ARL15: variants seen among roughly 807,000 people sequenced by gnomAD.
The protein encoded by ARL15 is ARF like GTPase 15, also known as ADP-ribosylation factor-like protein 15.
In ARL15, 19 loss-of-function variants were observed where a neutral mutation model predicts 25.2. That is an observed-to-expected ratio of 0.75 (90% CI 0.53 to 1.10). ARL15 has a LOEUF of 1.10. Ranked by LOEUF, ARL15 falls within the 50% of genes least tolerant of loss-of-function variation. The pLI, the probability that ARL15 is intolerant of heterozygous loss-of-function variation, is 0.00. For missense variants in ARL15, 220 were observed against 246.0 expected (o/e 0.89, Z 0.71); for synonymous variants, 94 against 86.8 (o/e 1.08, Z -0.46).
At chr5:54,284,764 T>G (rs1045462549) in intron 1 of ARL15, among the ~76,000 whole-genome samples, 1 of 152,206 alleles carries the variant, frequency 6.6e-6, no homozygotes, top group Admixed American at 6.5e-5. Context: ...TTACAAATAC[T>G]GCCTTATCCT....
chr5:54,247,216 A>C (rs977714212), intron 1 of ARL15, among the ~76,000 whole-genome samples: 4 of 117,414 alleles, frequency 3.4e-5, no homozygotes, highest in African/African-American at 1.1e-4. Context: ...AAGGAGTTAA[A>C]GTTTTGTTTT....
At chr5:54,170,605 C>T (rs1263047341) in intron 2 of ARL15, among the ~76,000 whole-genome samples, 1 of 152,052 alleles carries the variant, frequency 6.6e-6, no homozygotes, top group Non-Finnish European at 1.5e-5. Context: ...TTCACACTGC[C>T]CCTCTGCTCC....
rs60698293 is a variant in ARL15, at chr5:53,984,560, A to AT, written c.463-97848dup. Among the ~76,000 whole-genome samples the AT allele has an allele frequency of 2.6e-3, 391 of 152,018 alleles. 3 individuals are homozygous for AT. Among genetic ancestry groups the AT allele is most frequent in the African/African-American group, 8.9e-3 (371 of 41,470 alleles). On this transcript the variant is annotated intron_variant, in intron 4 of 4. Transcript: ENST00000504924. The stretch of plus-strand genomic sequence containing the variant: ...TAGAGTGATGCCTTTTAGGATTTCC[A>AT]TTTCCCACTGCTCTACAATTAACAT...
chr5:54,214,071 G>C (rs1756118009), intron 1 of ARL15, among the ~76,000 whole-genome samples: 2 of 151,836 alleles, frequency 1.3e-5, no homozygotes. Context: ...GAGCAAAAAA[G>C]AAAGGAAGGA....
At chr5:54,229,167 A>G (rs1292472477) in intron 1 of ARL15, among the ~76,000 whole-genome samples, 1 of 152,162 alleles carries the variant, frequency 6.6e-6, no homozygotes, top group Non-Finnish European at 1.5e-5. Flanking sequence ...CCTTTACACT[A>G]GATCATCCAA....
At chr5:53,926,333 A>G (rs1746022030) in intron 4 of ARL15, among the ~76,000 whole-genome samples, 1 of 152,086 alleles carries the variant, frequency 6.6e-6, no homozygotes, top group Admixed American at 6.6e-5. Flanking sequence ...GGGGCTGCCC[A>G]GTGGAATCTG....
intron 4 of ARL15, among the ~76,000 whole-genome samples, chr5:54,105,643 T>A (rs748018668): frequency 6.6e-6 from 1 of 152,266 alleles, no homozygotes; most frequent in South Asian, 2.1e-4. Context: ...AATGCAGTTG[T>A]GTGATCTTGG....
chr5:54,145,838 T>C (rs1232145798), intron 3 of ARL15, among the ~76,000 whole-genome samples: 1 of 152,202 alleles, frequency 6.6e-6, no homozygotes, highest in Non-Finnish European at 1.5e-5. Context: ...TGCTGAGATA[T>C]TTTATACTAT....
intron 4 of ARL15, among the ~76,000 whole-genome samples, chr5:53,987,166 A>G (rs1056849144): frequency 1.3e-5 from 2 of 152,210 alleles, no homozygotes; most frequent in African/African-American, 4.8e-5. Flanking sequence ...CAAGAGGCCC[A>G]AGTTATGTTT....
chr5:53,889,910 T>A (rs911271982), intron 4 of ARL15, among the ~76,000 whole-genome samples: 1 of 151,728 alleles, frequency 6.6e-6, no homozygotes, highest in Non-Finnish European at 1.5e-5. Context: ...CCTCCTGGGT[T>A]CAAGTGATTC....
chr5:54,063,128 A>G (rs941599938), intron 4 of ARL15, among the ~76,000 whole-genome samples: 1 of 152,160 alleles, frequency 6.6e-6, no homozygotes, highest in African/African-American at 2.4e-5. Flanking sequence ...AGGGGGGAAA[A>G]ACCCCTAAAC....
At chr5:54,024,604 T>G (rs1159296800) in intron 4 of ARL15, among the ~76,000 whole-genome samples, 2 of 152,204 alleles carry the variant, frequency 1.3e-5, no homozygotes, top group Non-Finnish European at 2.9e-5. Context: ...TAAGCAAGCC[T>G]ATGAGTTACT....
chr5:54,042,850 C>A (rs1026717640), intron 4 of ARL15, among the ~76,000 whole-genome samples: 2 of 152,030 alleles, frequency 1.3e-5, no homozygotes, highest in African/African-American at 2.4e-5. Flanking sequence ...TGACACCAGG[C>A]CTTCTTTCCT....
At chr5:54,240,827 G>A (rs574366591) in intron 1 of ARL15, among the ~76,000 whole-genome samples, 1 of 152,278 alleles carries the variant, frequency 6.6e-6, no homozygotes, top group South Asian at 2.1e-4. Context: ...GCGTCAACAT[G>A]ACACTCAAAG....
chr5:54,040,886 T>C (rs953960958), intron 4 of ARL15, among the ~76,000 whole-genome samples: 1 of 152,224 alleles, frequency 6.6e-6, no homozygotes, highest in Non-Finnish European at 1.5e-5. Context: ...AAGGCTAACA[T>C]TAAGGATCTG....
In ARL15 at chr5:54,019,859, T is replaced by C. The variant is rs185212029; in HGVS notation, c.462+93343A>G. ...ATTTTTTAAAAAACCAGACCTATAC[T>C]TTCACTGCTTTTCACAAAATATCTA... On this transcript the variant is annotated intron_variant, in intron 4 of 4. Coordinates refer to ENST00000504924, the MANE Select transcript of ARL15 (RefSeq NM_019087.3). Among the ~76,000 whole-genome samples the C allele has an allele frequency of 4.6e-5, 7 of 152,316 alleles. No individual in the cohort carries two copies. In the East Asian group the frequency reaches 1.3e-3, roughly 29 times the overall value.
chr5:54,013,163 A>G (rs1321715657), intron 4 of ARL15, among the ~76,000 whole-genome samples: 2 of 152,230 alleles, frequency 1.3e-5, no homozygotes, highest in Non-Finnish European at 2.9e-5. Flanking sequence ...TTGAAAACTG[A>G]GTATAGAAAG....
chr5:54,067,156 C>T (rs977350446), intron 4 of ARL15: 1 of 152,640 alleles, frequency 6.6e-6, no homozygotes, highest in African/African-American at 2.4e-5. Context: ...TATTTTTTCT[C>T]ACTCCTTTGA....
At chr5:54,226,128 G>A (rs552278309) in intron 1 of ARL15, among the ~76,000 whole-genome samples, 1 of 152,246 alleles carries the variant, frequency 6.6e-6, no homozygotes, top group South Asian at 2.1e-4. Flanking sequence ...CAAAGCAGAA[G>A]TTAAAAGGGC....
Sources: gnomAD v4.1 joint callset for allele counts (sites outside exome capture counted in the v4.1 genomes callset) on GRCh38, gnomAD v4.1.1 for gene constraint, MANE v1.5 for transcripts, NCBI Gene and HGNC (gene_info 2026-07-23, HGNC 2026-07-21) for gene names.